KDM5C: variants seen among roughly 807,000 people sequenced by gnomAD.
KDM5C encodes lysine demethylase 5C, also known as lysine-specific demethylase 5C.
KDM5C carries 16 observed loss-of-function variants against 110.6 expected under a neutral mutation model. That is an observed-to-expected ratio of 0.14 (90% CI 0.10 to 0.22). The LOEUF is 0.22. Ranked by LOEUF, KDM5C falls within the 10% of genes least tolerant of loss-of-function variation. The probability of loss-of-function intolerance (pLI) is 1.00; values close to 1 mark genes in which losing one functional copy is unlikely to be tolerated. For missense variants in KDM5C, 681 were observed against 1,300.9 expected, an observed-to-expected ratio of 0.52 and a Z score of 7.33; for synonymous variants, 511 against 520.4, an observed-to-expected ratio of 0.98 and a Z score of 0.24.
intron 1 of KDM5C, among the ~76,000 whole-genome samples, chrX:53,222,278 T>C (rs1381825154): frequency 9.2e-6 from 1 of 108,701 alleles, no homozygotes; most frequent in African/African-American, 3.4e-5. Flanking sequence ...AGGACTCATA[T>C]TTTGCATGCA....
chrX:53,192,858 G>GCCCCCCCCCCC lies in KDM5C; in HGVS notation c.*108_*109insGGGGGGGGGGG. The GCCCCCCCCCCC allele has an allele frequency of 1.4e-6, 1 of 728,432 alleles. No homozygotes were observed. Among genetic ancestry groups the GCCCCCCCCCCC allele is most frequent in the Non-Finnish European group, 1.8e-6 (1 of 548,377 alleles). 60.0% of individuals were successfully genotyped at this position (728,432 alleles called of 1,213,427 possible). On this transcript the variant is annotated 3_prime_UTR_variant, in exon 26 of 26. Coordinates refer to ENST00000375401, the MANE Select transcript of KDM5C (RefSeq NM_004187.5). ...CAGGGGTGGGCGGGTAGCAGGGATG[G>GCCCCCCCCCCC]CCACCCCCCTACCCGCCCACCCCCC...
At chrX:53,204,985 G>T (rs1556844509) in intron 12 of KDM5C, among the ~76,000 whole-genome samples, 2 of 111,860 alleles carry the variant, frequency 1.8e-5, no homozygotes, top group South Asian at 3.7e-4. Flanking sequence ...CTAGTTTCAA[G>T]AATTTTATCA....
Position 53,211,506 on chromosome X carries a change from G to C in KDM5C, c.1392C>G (p.Pro464=). 2.5e-6 allele frequency: 3 copies of C among 1,211,296 alleles called. No homozygotes were observed. Among genetic ancestry groups the C allele is most frequent in the South Asian group, 1.8e-5 (1 of 56,936 alleles). Residue 464 remains proline (P), a synonymous_variant, in exon 10 of 26, where the codon CCC becomes CCG. Transcript: ENST00000375401. Reference sequence around the variant, plus strand: ...TGAATCATCCACTCACCTCCTCTTCGGGGGTTAGGTGCCGTTTACTGTCAC... The same window carrying C: ...TGAATCATCCACTCACCTCCTCTTCCGGGGTTAGGTGCCGTTTACTGTCAC... The part of the protein sequence containing the change: ...PVSDSKRHLT[P]EEEEYATSGW...
chrX:53,214,506 T>A (rs2073685153), intron 8 of KDM5C, 183 bp downstream of exon 8: 1 of 484,290 alleles, frequency 2.1e-6, no homozygotes, highest in Non-Finnish European at 3.5e-6. Flanking sequence ...CTGGGAGCTC[T>A]TAGAGGACAG....
At chrX:53,214,079 C>T (rs782528664) in intron 8 of KDM5C, among the ~76,000 whole-genome samples, 1 of 110,034 alleles carries the variant, frequency 9.1e-6, no homozygotes, top group Non-Finnish European at 1.9e-5. Context: ...CTCAGCCTCC[C>T]GAGCAGCTGG....
At position 53,192,606 on chromosome X, in the gene KDM5C, G is replaced by T. The variant is rs139342680; in HGVS notation, c.*361C>A. 3.6e-3 allele frequency: 2,270 copies of T among 624,120 alleles called. 31 individuals carry two copies. The African/African-American group carries it at 0.044, about 12-fold the overall frequency. The allele number at this position is 624,120 out of a possible 1,213,427, so 51.4% of individuals were successfully genotyped here. ...GCCTGGCCAGGACCAGAACTGGGGA[G>T]AGAAGGGAGGAGAGTCCCCCAGTTT... is the stretch of plus-strand genomic sequence containing the variant. On this transcript the variant is annotated 3_prime_UTR_variant, in exon 26 of 26. Transcript: ENST00000375401.
rs958504123 is a variant in KDM5C, at chrX:53,197,921, T to C, written c.2517-45A>G. 3 of 933,686 alleles carry C rather than the reference T, an allele frequency of 3.2e-6. No homozygotes were observed. In the African/African-American group the frequency reaches 5.8e-5, roughly 18 times the overall value. The allele number at this position is 933,686 out of a possible 1,213,427, so 76.9% of individuals were successfully genotyped here. On this transcript the variant is annotated intron_variant, in intron 17 of 25. Transcript: ENST00000375401. Reference sequence around the variant, plus strand: ...AGGTTTCAGGTCCAAACTCAGTGCCTTCCCTCCATGTCTATGCTAAGACTG... The same window carrying C: ...AGGTTTCAGGTCCAAACTCAGTGCCCTCCCTCCATGTCTATGCTAAGACTG...
In KDM5C at chrX:53,208,805, CTTTTTTTT is replaced by C. The variant is rs782216325; in HGVS notation, c.1746+1601_1746+1608del. 6.8e-4 allele frequency among the ~76,000 whole-genome samples: 15 copies of C among 22,168 alleles called. No individual in the cohort carries two copies. In the East Asian group the frequency reaches 7.4e-3, roughly 11 times the overall value. The allele number at this position is 22,168 out of a possible 115,157, so 19.3% of individuals were successfully genotyped here. A position where few individuals can be genotyped will look rare whatever the true frequency, so the allele number is the denominator to read the frequency against. On this transcript the variant is annotated intron_variant, in intron 12 of 25. Transcript: ENST00000375401. Reference sequence around the variant, plus strand: ...CAGGCATGAGCCACCACACCCGGCTCTTTTTTTTTTTTTTTTTTTTTTTTTTTTGAGAC... The same window carrying C: ...CAGGCATGAGCCACCACACCCGGCTCTTTTTTTTTTTTTTTTTTTTGAGAC...
At chrX:53,203,471 T>C (rs781955193) in intron 12 of KDM5C, among the ~76,000 whole-genome samples, 104 of 111,822 alleles carry the variant, frequency 9.3e-4, no homozygotes, top group African/African-American at 3.2e-3. Flanking sequence ...TATTTGAATA[T>C]TGAACCTCCT....
chrX:53,208,377 G>A (rs1356969355), intron 12 of KDM5C, among the ~76,000 whole-genome samples: 3 of 99,365 alleles, frequency 3.0e-5, no homozygotes, highest in Non-Finnish European at 6.0e-5. Flanking sequence ...ACAGCTCCAT[G>A]ACCTTCTGCA....
intron 1 of KDM5C, 99 bp downstream of exon 1, chrX:53,224,641 C>T: frequency 9.5e-7 from 1 of 1,052,326 alleles, no homozygotes; most frequent in Non-Finnish European, 1.3e-6. Context: ...GCCACCCCCT[C>T]TCCCCACCTC....
At chrX:53,176,382 G>A (rs1225543832) in exon 26 of KDM5C, among the ~76,000 whole-genome samples, 2 of 112,092 alleles carry the variant, frequency 1.8e-5, no homozygotes, top group African/African-American at 6.5e-5. Context: ...TTATATAGTA[G>A]GGAAGGAACG....
At position 53,224,852 on chromosome X, in the gene KDM5C, T is replaced by C; in HGVS notation, c.38A>G (p.Glu13Gly). ...PGSDDFLPPP[E>G]CPVFEPSWAE... is the part of the protein sequence containing the mutation. Reference sequence around the variant, plus strand: ...CCAGCTAGGCTCGAACACCGGGCACTCCGGTGGCGGTAGGAAATCGTCGGA... The same window carrying C: ...CCAGCTAGGCTCGAACACCGGGCACCCCGGTGGCGGTAGGAAATCGTCGGA... The change falls in exon 1 of 26, where the codon GAG becomes GGG. Residue 13 changes from glutamate (E) to glycine (G), a missense_variant. This residue lies in a region of KDM5C where 15 missense variants were observed against 37.0 expected (regional missense o/e 0.41). Coordinates refer to ENST00000375401, the MANE Select transcript of KDM5C (RefSeq NM_004187.5). The C allele has an allele frequency of 8.3e-7, 1 of 1,209,630 alleles. No homozygotes were observed.
chrX:53,190,728 G>A (rs1024166068), downstream of KDM5C, among the ~76,000 whole-genome samples: 5 of 111,768 alleles, frequency 4.5e-5, no homozygotes, highest in African/African-American at 1.6e-4. Context: ...GATGAAGCAG[G>A]GCTGAGCCAG....
At chrX:53,221,810 T>C in intron 1 of KDM5C, 1 of 806,863 alleles carries the variant, frequency 1.2e-6, no homozygotes, top group Non-Finnish European at 1.7e-6. Flanking sequence ...TGGCAAAGAA[T>C]GGGAGGATTT....
In KDM5C at chrX:53,182,085, G is replaced by GT. The variant is rs781971592; in HGVS notation, c.4309-5464dup. Among the ~76,000 whole-genome samples the GT allele has an allele frequency of 4.7e-3, 490 of 105,009 alleles. 5 individuals are homozygous for GT. Among genetic ancestry groups the GT allele is most frequent in the African/African-American group, 0.014 (390 of 26,925 alleles). The allele number at this position is 105,009 out of a possible 115,157, so 91.2% of individuals were successfully genotyped here. On this transcript the variant is annotated intron_variant, in intron 25 of 25. Transcript: ENST00000685641. The stretch of plus-strand genomic sequence containing the variant: ...TTACAGGCATGAGCCACCCTTTTTT[G>GT]TTTTTTTTTTTTTTTTGATATGGAT...
At chrX:53,178,244 C>T (rs1556824807) in intron 25 of KDM5C, among the ~76,000 whole-genome samples, 1 of 112,305 alleles carries the variant, frequency 8.9e-6, no homozygotes. Context: ...ACCTCTGCAA[C>T]TCAATGTTTT....
chrX:53,212,029 T>C (rs2073579558), intron 8 of KDM5C, 123 bp from the exon 9 acceptor site: 5 of 836,757 alleles, frequency 6.0e-6, no homozygotes, highest in Non-Finnish European at 7.0e-6. Context: ...TCAAGGCCCC[T>C]GAGGCAGGCC....
chrX:53,205,468 C>T (rs1230662547), intron 12 of KDM5C, among the ~76,000 whole-genome samples: 8 of 112,114 alleles, frequency 7.1e-5, no homozygotes, highest in Non-Finnish European at 1.3e-4. Flanking sequence ...ACTGCACTGG[C>T]CTCAATTACT....
Sources: allele counts gnomAD v4.1 joint callset (sites outside exome capture counted in the v4.1 genomes callset), GRCh38; gene constraint gnomAD v4.1.1; regional missense constraint gnomAD v4.1.1; transcripts MANE v1.5; gene names NCBI Gene and HGNC (gene_info 2026-07-23, HGNC 2026-07-21).